The following GPHN variants were observed in gnomAD, a reference collection of about 807,000 sequenced individuals.
The protein encoded by GPHN is gephyrin.
A neutral mutation model predicts 95.5 loss-of-function variants in GPHN; 17 were observed. That is an observed-to-expected ratio of 0.18 (90% confidence interval 0.12 to 0.27). GPHN has a LOEUF of 0.27. GPHN is among the 10% of genes least tolerant of loss of function. The probability of loss-of-function intolerance (pLI) is 1.00; values close to 1 mark genes in which losing one functional copy is unlikely to be tolerated. For synonymous variants in GPHN, 320 were observed against 322.5 expected (o/e 0.99, Z 0.08); for missense variants, 660 against 978.1 (o/e 0.67, Z 4.34).
chr14:67,272,182 A>G, the GPHN span: 1 of 152,212 alleles, frequency 6.6e-6, no homozygotes, highest in African/African-American at 2.4e-5. Context: ...CTCTTATTCT[A>G]TGGAATTAAG....
chr14:67,572,011 C>A, the GPHN span: 16 of 1,479,338 alleles, frequency 1.1e-5, no homozygotes, highest in East Asian at 3.7e-4. Context: ...CGTGACCCCC[C>A]AGCAGCTCCA....
intron 2 of GPHN, among the ~76,000 whole-genome samples, chr14:66,706,462 G>C (rs1241588729): frequency 6.6e-6 from 1 of 151,994 alleles, no homozygotes; most frequent in African/African-American, 2.4e-5. Flanking sequence ...TACCAAAACA[G>C]GCATATAGGC....
At chr14:66,568,756 T>C (rs1481939545) in intron 1 of GPHN, among the ~76,000 whole-genome samples, 1 of 152,116 alleles carries the variant, frequency 6.6e-6, no homozygotes, top group African/African-American at 2.4e-5. Context: ...TTTTATATTC[T>C]CTATTCCTCA....
the GPHN span, chr14:67,320,337 A>C: frequency 6.2e-7 from 1 of 1,613,478 alleles, no homozygotes; most frequent in South Asian, 1.1e-5. Context: ...CTGTGGCCAG[A>C]ATGAATTGCG....
At chr14:67,223,795 TC>T in the GPHN span, 1 of 985,692 alleles carries the variant, frequency 1.0e-6, no homozygotes, top group African/African-American at 1.7e-5. Context: ...AGCATTTCTT[TC>T]CCCATTTTCA....
the GPHN span, chr14:67,393,088 T>C: frequency 7.9e-7 from 1 of 1,272,724 alleles, no homozygotes; most frequent in South Asian, 1.2e-5. Context: ...AGCACACAGC[T>C]GAGCCCTGCA....
At chr14:67,603,431 A>AT in the GPHN span, among the ~76,000 whole-genome samples, 1 of 152,236 alleles carries the variant, frequency 6.6e-6, no homozygotes, top group African/African-American at 2.4e-5. Context: ...ACTTTACTTA[A>AT]TTTTTTAAAA....
chr14:67,129,718 T>C (rs943965728), intron 17 of GPHN, among the ~76,000 whole-genome samples: 7 of 151,278 alleles, frequency 4.6e-5, no homozygotes, highest in Non-Finnish European at 8.8e-5. Flanking sequence ...TATTAGATAT[T>C]TTCCCCCAAT....
At chr14:67,043,048 A>G (rs1421549689) in intron 10 of GPHN, among the ~76,000 whole-genome samples, 1 of 152,120 alleles carries the variant, frequency 6.6e-6, no homozygotes, top group Non-Finnish European at 1.5e-5. Flanking sequence ...TTATTAGGGT[A>G]TAGAATGCTT....
At chr14:67,057,662 CCTT>C (rs761182404) in intron 10 of GPHN, among the ~76,000 whole-genome samples, 4 of 152,088 alleles carry the variant, frequency 2.6e-5, no homozygotes, top group East Asian at 1.9e-4. Context: ...TTTTCTTTCT[CCTT>C]CTTTTCTTGC....
the GPHN span, chr14:67,642,324 C>T: frequency 1.9e-6 from 3 of 1,614,044 alleles, no homozygotes; most frequent in Middle Eastern, 3.3e-4. Flanking sequence ...AGAGCTGTGT[C>T]AGATGGCTAC....
At chr14:67,690,456 G>A in the GPHN span, 1 of 1,583,200 alleles carries the variant, frequency 6.3e-7, no homozygotes. Context: ...GAAGTTCAGG[G>A]CCATGTAGGA....
At chr14:67,698,617 A>T in the GPHN span, among the ~76,000 whole-genome samples, 1 of 152,222 alleles carries the variant, frequency 6.6e-6, no homozygotes, top group East Asian at 1.9e-4. Flanking sequence ...TTGAACAGGG[A>T]AAGTTTAACA....
intron 8 of GPHN, among the ~76,000 whole-genome samples, chr14:66,930,788 G>A (rs937618027): frequency 2.6e-5 from 4 of 152,054 alleles, no homozygotes; most frequent in African/African-American, 7.2e-5. Flanking sequence ...GCCCTGTCTA[G>A]GTGCTAGATC....
chr14:66,849,528 A>G (rs1209180081), intron 4 of GPHN, among the ~76,000 whole-genome samples: 3 of 152,024 alleles, frequency 2.0e-5, no homozygotes, highest in Non-Finnish European at 4.4e-5. Flanking sequence ...TCCATTAATC[A>G]TTGTTAATCT....
At chr14:67,483,311 G>A in the GPHN span, among the ~76,000 whole-genome samples, 22 of 152,208 alleles carry the variant, frequency 1.4e-4, no homozygotes, top group Admixed American at 1.2e-3. Flanking sequence ...ACACCTGGCC[G>A]AGCCTACATT....
At chr14:67,424,205 A>C in the GPHN span, among the ~76,000 whole-genome samples, 19 of 152,100 alleles carry the variant, frequency 1.2e-4, no homozygotes, top group Admixed American at 4.6e-4. Flanking sequence ...ATGCCATTGC[A>C]CTCCAGCCTG....
chr14:66,537,134 TTACAGTA>T (rs2059173230), intron 1 of GPHN, among the ~76,000 whole-genome samples: 2 of 152,196 alleles, frequency 1.3e-5, no homozygotes, highest in Non-Finnish European at 2.9e-5. Flanking sequence ...ATTCTTGTAT[TTACAGTA>T]TATCTCTTGG....
intron 12 of GPHN, among the ~76,000 whole-genome samples, chr14:67,093,436 A>G (rs1302778182): frequency 6.6e-6 from 1 of 151,978 alleles, no homozygotes; most frequent in Non-Finnish European, 1.5e-5. Flanking sequence ...TGTTGTATCC[A>G]TTTGAATCCT....
Sources: allele counts gnomAD v4.1 joint callset (sites outside exome capture counted in the v4.1 genomes callset), GRCh38; gene constraint gnomAD v4.1.1; transcripts MANE v1.5; gene names NCBI Gene and HGNC (gene_info 2026-07-23, HGNC 2026-07-21).